Variants in PLEKHG5 observed in about 807,000 individuals in gnomAD.
PLEKHG5 encodes the protein pleckstrin homology domain-containing family G member 5.
Under a neutral mutation model 103.8 loss-of-function variants are expected in PLEKHG5, and 52 were observed. The observed-to-expected ratio is 0.50, with a 90% CI of 0.40 to 0.63. The LOEUF (loss-of-function observed/expected upper bound fraction) is 0.63, where lower values mean the gene tolerates loss of function less well. Among genes scored for constraint, PLEKHG5 ranks in the 30% least tolerant of loss-of-function variants. The probability of loss-of-function intolerance (pLI) is 0.00; values close to 1 mark genes in which losing one functional copy is unlikely to be tolerated. For missense variants in PLEKHG5, 1,205 were observed against 1,347.6 expected, an observed-to-expected ratio of 0.89 and a Z score of 1.66; for synonymous variants, 592 against 575.5, an observed-to-expected ratio of 1.03 and a Z score of -0.41.
Position 6,471,108 on chromosome 1 carries a change from G to C in PLEKHG5, c.1282-8C>G. ...CTTGAAGAGCGAGCCGAACTGGCCC[G>C]GGGCAGAACAACCACGGCGCCGGTT... On this transcript the variant is annotated splice_region_variant and splice_polypyrimidine_tract_variant and intron_variant, in intron 12 of 20. Coordinates refer to ENST00000377728, the MANE Select transcript of PLEKHG5 (RefSeq NM_020631.6). 1.3e-6 allele frequency: 2 copies of C among 1,569,986 alleles called. No individual in the cohort carries two copies. The highest frequency in any genetic ancestry group is 1.7e-6 in the Non-Finnish European group (2 of 1,158,116).
chr1:6,479,811 A>T (rs1644857143), intron 1 of PLEKHG5, among the ~76,000 whole-genome samples: 1 of 151,964 alleles, frequency 6.6e-6, no homozygotes, highest in South Asian at 2.1e-4. Flanking sequence ...AGATCTCACT[A>T]TGTTGCCCAG....
intron 1 of PLEKHG5, among the ~76,000 whole-genome samples, chr1:6,479,311 G>C (rs1478585964): frequency 6.9e-6 from 1 of 144,022 alleles, no homozygotes; most frequent in African/African-American, 2.6e-5. Flanking sequence ...TTTTGAGACG[G>C]AGTCTCGCTC....
Position 6,467,370 on chromosome 1 carries a change from A to C in PLEKHG5, c.*193T>G. On this transcript the variant is annotated 3_prime_UTR_variant, in exon 21 of 21. Transcript: ENST00000377728. ...GGGCTGCCTGGGCAGGTGGGGTGGT[A>C]CTGTGGCCTGGGCCTCCTCCACTCC... The C allele has an allele frequency of 1.4e-6, 1 of 727,000 alleles. No individual in the cohort carries two copies. The highest frequency in any genetic ancestry group is 2.5e-6 in the Non-Finnish European group (1 of 399,726). 45.0% of individuals were successfully genotyped at this position (727,000 alleles called of 1,614,324 possible). A position where few individuals can be genotyped will look rare whatever the true frequency, so the allele number is the denominator to read the frequency against.
intron 1 of PLEKHG5, among the ~76,000 whole-genome samples, chr1:6,503,944 C>A (rs1638224880): frequency 1.3e-5 from 2 of 151,892 alleles, no homozygotes; most frequent in African/African-American, 4.9e-5. Flanking sequence ...TACAGAACAA[C>A]TAAGAGAGCC....
chr1:6,492,864 G>C (rs1189852325), upstream of PLEKHG5, among the ~76,000 whole-genome samples: 1 of 151,966 alleles, frequency 6.6e-6, no homozygotes, highest in Non-Finnish European at 1.5e-5. Flanking sequence ...CCCCTCATCT[G>C]GACATGCAGG....
At chr1:6,515,399 C>T (rs376971183) in intron 1 of PLEKHG5, among the ~76,000 whole-genome samples, 84 of 152,000 alleles carry the variant, frequency 5.5e-4, no homozygotes, top group Non-Finnish European at 8.2e-4. Flanking sequence ...TGGTGGCGGG[C>T]GCCTGTAGTC....
At chr1:6,482,857 C>A (rs188400564) in intron 1 of PLEKHG5, among the ~76,000 whole-genome samples, 2 of 152,290 alleles carry the variant, frequency 1.3e-5, no homozygotes, top group African/African-American at 2.4e-5. Flanking sequence ...TACAAGCACA[C>A]GCCACCACAC....
At position 6,470,810 on chromosome 1, in the gene PLEKHG5, G is replaced by A. The variant is rs1297813106; in HGVS notation, c.1467C>T (p.Thr489=). The A allele has an allele frequency of 6.3e-7, 1 of 1,577,140 alleles. No homozygotes were observed. The highest frequency in any genetic ancestry group is 1.2e-5 in the South Asian group (1 of 86,574). Residue 489 remains threonine, a synonymous_variant, in exon 14 of 21, where the codon ACC becomes ACT. Transcript: ENST00000377728. ...CCGACTTGAGCAGCAGCGGGTACTT[G>A]GTGAGCCGCTGGTGGGGTTTGGCCA... ...DMLAKPHQRL[T]KYPLLLKSVL...
At chr1:6,503,350 T>C (rs1232803056) in intron 1 of PLEKHG5, among the ~76,000 whole-genome samples, 3 of 150,544 alleles carry the variant, frequency 2.0e-5, no homozygotes, top group East Asian at 2.0e-4. Context: ...TCAGATGCAG[T>C]GAGCTGTGAT....
chr1:6,474,251 C>A (rs755079254), intron 6 of PLEKHG5, 87 bp from the exon 7 acceptor site: 38 of 1,509,842 alleles, frequency 2.5e-5, no homozygotes, highest in Non-Finnish European at 3.3e-5. Context: ...AGGATCCACA[C>A]CAAGGCCTGC....
At chr1:6,514,874 C>T (rs1638572635) in intron 1 of PLEKHG5, among the ~76,000 whole-genome samples, 1 of 151,396 alleles carries the variant, frequency 6.6e-6, no homozygotes, top group Admixed American at 6.6e-5. Flanking sequence ...TTAAGACCAG[C>T]CTGGCCAACA....
In PLEKHG5 at chr1:6,484,883, C is replaced by T. The variant is rs544167729; in HGVS notation, c.-88+6754G>A. On this transcript the variant is annotated intron_variant, in intron 1 of 20. Coordinates refer to ENST00000377728, the MANE Select transcript of PLEKHG5 (RefSeq NM_020631.6). ...ACAGAGGGGGGCCCTTTGGGGAATA[C>T]ACGCATGTGAGGATGGGGACAGAGA... Among the ~76,000 whole-genome samples, 110 of 152,294 alleles carry T rather than the reference C, an allele frequency of 7.2e-4. 1 individual carries two copies. Among genetic ancestry groups the T allele is most frequent in the Non-Finnish European group, 1.3e-3 (87 of 68,016 alleles).
In PLEKHG5 at chr1:6,467,277, T is replaced by C. The variant is rs1644407592; in HGVS notation, c.*286A>G. The C allele has an allele frequency of 3.5e-6, 2 of 572,842 alleles. No homozygotes were observed. Among genetic ancestry groups the C allele is most frequent in the Non-Finnish European group, 6.3e-6 (2 of 315,638 alleles). The allele number at this position is 572,842 out of a possible 1,614,324, so 35.5% of individuals were successfully genotyped here. On this transcript the variant is annotated 3_prime_UTR_variant, in exon 21 of 21. Coordinates refer to ENST00000377728, the MANE Select transcript of PLEKHG5 (RefSeq NM_020631.6). Reference sequence around the variant, plus strand: ...GAGGCCAGTGAGGGTAGAAGTAGGATGGGCAGCCTAGGAGCCCAGCCCTGA... The same window carrying C: ...GAGGCCAGTGAGGGTAGAAGTAGGACGGGCAGCCTAGGAGCCCAGCCCTGA...
At chr1:6,518,019 G>A (rs1470068158) in intron 1 of PLEKHG5, among the ~76,000 whole-genome samples, 2 of 152,062 alleles carry the variant, frequency 1.3e-5, no homozygotes, top group South Asian at 2.1e-4. Context: ...TGCAAGCTCC[G>A]CCTCCCAGGT....
rs148745591 is a variant in PLEKHG5 at position 6,473,051 on chromosome 1, C to T, written c.919G>A (p.Glu307Lys). 2.1e-5 allele frequency: 34 copies of T among 1,613,814 alleles called. No homozygotes were observed. The highest frequency in any genetic ancestry group is 6.7e-5 in the East Asian group (3 of 44,890). Residue 307 changes from glutamate to lysine, a missense_variant, in exon 9 of 21, where the codon GAG (glutamate) becomes AAG (lysine). Coordinates refer to ENST00000377728, the MANE Select transcript of PLEKHG5 (RefSeq NM_020631.6). Reference sequence around the variant, plus strand: ...CTCAGGCAGGCATTGTCCTCATCCTCGTCTTCATCGTACTCCTCCTCCCAG... The same window carrying T: ...CTCAGGCAGGCATTGTCCTCATCCTTGTCTTCATCGTACTCCTCCTCCCAG... The part of the protein sequence containing the change: ...DSWEEEYDED[E>K]DEDNACLRLE...
upstream of PLEKHG5, among the ~76,000 whole-genome samples, chr1:6,492,386 C>A (rs1645163020): frequency 6.6e-6 from 1 of 152,180 alleles, no homozygotes; most frequent in Admixed American, 6.5e-5. Flanking sequence ...GGGGAGTCCA[C>A]ACACTGTCCC....
rs1265445278 is a variant in PLEKHG5, at chr1:6,467,152, C to A, written c.*411G>T. 1.7e-5 allele frequency: 6 copies of A among 351,156 alleles called. No homozygotes were observed. Among genetic ancestry groups the A allele is most frequent in the South Asian group, 1.0e-4 (4 of 38,382 alleles). 21.8% of individuals were successfully genotyped at this position (351,156 alleles called of 1,614,324 possible). A position where few individuals can be genotyped will look rare whatever the true frequency, so the allele number is the denominator to read the frequency against. On this transcript the variant is annotated 3_prime_UTR_variant, in exon 21 of 21. Coordinates refer to ENST00000377728, the MANE Select transcript of PLEKHG5 (RefSeq NM_020631.6). ...TCTAGACAAGTCTTTATAAAAGAAC[C>A]AAAAGCTCAATAAATACGTAACTTC...
chr1:6,483,427 T>C (rs1212576620), intron 1 of PLEKHG5, among the ~76,000 whole-genome samples: 3 of 152,298 alleles, frequency 2.0e-5, no homozygotes, highest in African/African-American at 7.2e-5. Flanking sequence ...CTCTTTCTGG[T>C]TTCTGTCTTA....
At chr1:6,475,244 C>T in intron 4 of PLEKHG5, 106 bp from the exon 5 acceptor site, 4 of 704,896 alleles carry the variant, frequency 5.7e-6, no homozygotes, top group East Asian at 2.7e-5. Flanking sequence ...CTCCTCCCCA[C>T]CCTCCTTCCC....
Sources: allele counts gnomAD v4.1 joint callset (sites outside exome capture counted in the v4.1 genomes callset), GRCh38; gene constraint gnomAD v4.1.1; transcripts MANE v1.5; gene names NCBI Gene and HGNC (gene_info 2026-07-23, HGNC 2026-07-21).